ELP4: variants seen among roughly 807,000 people sequenced by gnomAD.
ELP4 encodes elongator complex protein 4.
A neutral mutation model predicts 48.9 loss-of-function variants in ELP4; 51 were observed. That is an observed-to-expected ratio of 1.04 (90% CI 0.83 to 1.32). ELP4 has a LOEUF of 1.32. Among genes scored for constraint, ELP4 ranks in the 40% most tolerant of loss-of-function variants. ELP4 has a pLI of 0.00. For missense variants in ELP4, 519 were observed against 514.6 expected (o/e 1.01, Z -0.08); for synonymous variants, 210 against 189.2 (o/e 1.11, Z -0.90).
intron 1 of ELP4, chr11:31,512,519 A>G (rs1479857081): frequency 6.6e-6 from 1 of 152,202 alleles, no homozygotes; most frequent in Non-Finnish European, 1.5e-5. Context: ...CTGACAACCT[A>G]ATTGTATTAT....
Position 31,604,108 on chromosome 11 carries a change from G to A in ELP4, c.653+201G>A, listed in dbSNP as rs1403314254. The stretch of plus-strand genomic sequence containing the variant: ...GTGGCTTTCTTTTTTCTCTGGTCCT[G>A]TAACTGCTGAAACCACTATTTCTCT... On this transcript the variant is annotated intron_variant, in intron 5 of 9. Transcript: ENST00000640961. Among the ~76,000 whole-genome samples the A allele has an allele frequency of 2.6e-5, 4 of 151,546 alleles. No homozygotes were observed. In the East Asian group the frequency reaches 7.7e-4, roughly 29 times the overall value.
intron 1 of ELP4, among the ~76,000 whole-genome samples, chr11:31,516,057 G>C (rs1053912030): frequency 6.6e-6 from 1 of 152,118 alleles, no homozygotes; most frequent in African/African-American, 2.4e-5. Flanking sequence ...AGCTTGCAGT[G>C]AGCTGAGATT....
At chr11:31,604,380 C>G (rs1388552202) in intron 5 of ELP4, among the ~76,000 whole-genome samples, 7 of 151,720 alleles carry the variant, frequency 4.6e-5, no homozygotes, top group Non-Finnish European at 8.9e-5. Context: ...TGAAGGCTTT[C>G]TATTTCTGGC....
At chr11:31,571,982 C>T (rs1957200288) in intron 3 of ELP4, among the ~76,000 whole-genome samples, 1 of 152,154 alleles carries the variant, frequency 6.6e-6, no homozygotes, top group African/African-American at 2.4e-5. Context: ...TGAGTATTGG[C>T]TTCAACTTAC....
At chr11:31,624,930 A>T (rs536883461) in intron 5 of ELP4, among the ~76,000 whole-genome samples, 1 of 151,806 alleles carries the variant, frequency 6.6e-6, no homozygotes, top group East Asian at 1.9e-4. Flanking sequence ...CAGGGACAGT[A>T]ACACACATAT....
intron 2 of ELP4, among the ~76,000 whole-genome samples, chr11:31,529,040 G>GTATATA (rs34149746): frequency 1.8e-3 from 257 of 145,922 alleles, no homozygotes; most frequent in African/African-American, 6.1e-3. Flanking sequence ...TTGGCTATGT[G>GTATATA]TATATATATA....
intron 9 of ELP4, among the ~76,000 whole-genome samples, chr11:31,732,860 A>T (rs1947222155): frequency 6.6e-6 from 1 of 152,242 alleles, no homozygotes; most frequent in Non-Finnish European, 1.5e-5. Flanking sequence ...CACCAGGAAG[A>T]TATAGCAATT....
intron 9 of ELP4, among the ~76,000 whole-genome samples, chr11:31,745,400 C>T (rs1271806398): frequency 6.6e-6 from 1 of 152,284 alleles, no homozygotes. Context: ...CTTTACAGTT[C>T]ATGTGGAACC....
At chr11:31,751,072 T>C (rs1466560506) in intron 9 of ELP4, among the ~76,000 whole-genome samples, 3 of 152,178 alleles carry the variant, frequency 2.0e-5, no homozygotes, top group African/African-American at 7.2e-5. Flanking sequence ...CCTAAACTTA[T>C]TTCATGTGTG....
At chr11:31,661,109 A>C (rs777679357) in intron 9 of ELP4, among the ~76,000 whole-genome samples, 2 of 152,010 alleles carry the variant, frequency 1.3e-5, no homozygotes, top group African/African-American at 4.8e-5. Flanking sequence ...TTCTCTCTAT[A>C]CTTGCATATT....
chr11:31,537,539 G>A (rs777764191), intron 2 of ELP4, among the ~76,000 whole-genome samples: 10 of 152,168 alleles, frequency 6.6e-5, no homozygotes, highest in Admixed American at 4.6e-4. Context: ...AAGAAAATAG[G>A]TTTAATTGGC....
intron 9 of ELP4, among the ~76,000 whole-genome samples, chr11:31,717,643 A>C (rs1946868200): frequency 6.6e-6 from 1 of 151,862 alleles, no homozygotes; most frequent in Admixed American, 6.6e-5. Flanking sequence ...AGTCTCAGCT[A>C]CTCGGGAGGC....
chr11:31,762,249 A>G (rs1947959930), intron 9 of ELP4: 1 of 152,226 alleles, frequency 6.6e-6, no homozygotes, highest in Admixed American at 6.5e-5. Flanking sequence ...AAAATAATGT[A>G]AATATCACTG....
At chr11:31,770,552 G>T (rs1269656240) in intron 9 of ELP4, among the ~76,000 whole-genome samples, 1 of 121,090 alleles carries the variant, frequency 8.3e-6, no homozygotes, top group Admixed American at 8.7e-5. Flanking sequence ...GCATTAATGG[G>T]AATAAAATTT....
At chr11:31,535,072 A>T (rs1956477861) in intron 2 of ELP4, among the ~76,000 whole-genome samples, 2 of 152,222 alleles carry the variant, frequency 1.3e-5, no homozygotes, top group South Asian at 4.1e-4. Context: ...ACACACTAAA[A>T]TTCTCATAAA....
At chr11:31,657,260 C>T (rs2134084403) in intron 9 of ELP4, among the ~76,000 whole-genome samples, 1 of 152,096 alleles carries the variant, frequency 6.6e-6, no homozygotes, top group East Asian at 1.9e-4. Flanking sequence ...TTTTCAAGAC[C>T]TTTTCATGTC....
chr11:31,614,669 T>C (rs192297195), intron 5 of ELP4, among the ~76,000 whole-genome samples: 1 of 152,150 alleles, frequency 6.6e-6, no homozygotes, highest in Non-Finnish European at 1.5e-5. Flanking sequence ...GTGGGGATGA[T>C]CAAAAGCATG....
chr11:31,696,898 G>T (rs533341372), intron 9 of ELP4, among the ~76,000 whole-genome samples: 2 of 152,116 alleles, frequency 1.3e-5, no homozygotes, highest in African/African-American at 4.8e-5. Context: ...CCATCAGTGT[G>T]CCATATTCAG....
chr11:31,758,068 A>G (rs1450439791), intron 9 of ELP4, among the ~76,000 whole-genome samples: 1 of 152,214 alleles, frequency 6.6e-6, no homozygotes, highest in Non-Finnish European at 1.5e-5. Flanking sequence ...TCAGGACTAT[A>G]TTAAACAATT....
Sources: gnomAD v4.1 joint callset for allele counts (sites outside exome capture counted in the v4.1 genomes callset) on GRCh38, gnomAD v4.1.1 for gene constraint, MANE v1.5 for transcripts, NCBI Gene and HGNC (gene_info 2026-07-23, HGNC 2026-07-21) for gene names.